FRMD4B: variants seen among roughly 807,000 people sequenced by gnomAD.
The protein encoded by FRMD4B is FERM domain containing 4B.
In FRMD4B, 74 loss-of-function variants were observed where a neutral mutation model predicts 141.5. The observed-to-expected ratio is 0.52, with a 90% CI of 0.43 to 0.63. FRMD4B has a LOEUF of 0.63. FRMD4B is among the 30% of genes least tolerant of loss of function. The pLI is 0.00. For synonymous variants in FRMD4B, 506 were observed against 467.9 expected, an observed-to-expected ratio of 1.08 and a Z score of -1.05; for missense variants, 1,366 against 1,253.4, an observed-to-expected ratio of 1.09 and a Z score of -1.36.
At chr3:69,499,106 G>A (rs1007407516) in intron 1 of FRMD4B, among the ~76,000 whole-genome samples, 3 of 152,172 alleles carry the variant, frequency 2.0e-5, no homozygotes, top group African/African-American at 7.2e-5. Flanking sequence ...ATGGGGGAAC[G>A]GTGAGTGCAA....
rs74632014 is a variant in FRMD4B at position 69,316,582 on chromosome 3, G to C, written c.163-3065C>G. Among the ~76,000 whole-genome samples the C allele has an allele frequency of 3.7e-3, 559 of 151,638 alleles. 5 individuals are homozygous for C. Among genetic ancestry groups the C allele is most frequent in the African/African-American group, 0.013 (532 of 41,302 alleles). On this transcript the variant is annotated intron_variant, in intron 1 of 22. Coordinates refer to ENST00000398540, the MANE Select transcript of FRMD4B (RefSeq NM_015123.3). ...ATTAAGAGAGAAATAAAATGTGTCA[G>C]TATTTCTATACCAGAGGAGGATATA...
In FRMD4B at chr3:69,197,398, A is replaced by G. The variant is rs190503399; in HGVS notation, c.954-360T>C. On this transcript the variant is annotated intron_variant, in intron 12 of 22. Coordinates refer to ENST00000398540, the MANE Select transcript of FRMD4B (RefSeq NM_015123.3). ...GGGATAAGATTTTAAAGAAACAGCA[A>G]CCAAGTGTGGGGTGAGCACCTAATT... Among the ~76,000 whole-genome samples, 5 of 152,324 alleles carry G rather than the reference A, an allele frequency of 3.3e-5. No individual in the cohort carries two copies. The East Asian group carries it at 9.6e-4, about 29-fold the overall frequency.
At chr3:69,398,699 G>C (rs1704511223) in intron 2 of FRMD4B, among the ~76,000 whole-genome samples, 1 of 152,150 alleles carries the variant, frequency 6.6e-6, no homozygotes, top group African/African-American at 2.4e-5. Context: ...GTGAGTGGGG[G>C]CTGTAATCTA....
intron 1 of FRMD4B, among the ~76,000 whole-genome samples, chr3:69,463,672 C>A (rs1460190388): frequency 6.6e-6 from 1 of 152,178 alleles, no homozygotes; most frequent in Non-Finnish European, 1.5e-5. Context: ...CAGACTGCAT[C>A]TGCCTCCAAG....
chr3:69,466,695 C>CTTTTT (rs1414852211), intron 1 of FRMD4B, among the ~76,000 whole-genome samples: 4 of 151,890 alleles, frequency 2.6e-5, no homozygotes, highest in Admixed American at 6.6e-5. Context: ...AAAAGCAAAA[C>CTTTTT]CTTTTCTTTT....
intron 20 of FRMD4B, among the ~76,000 whole-genome samples, chr3:69,182,123 T>G (rs1481159862): frequency 6.6e-6 from 1 of 152,214 alleles, no homozygotes; most frequent in African/African-American, 2.4e-5. Flanking sequence ...GTGGCTGGGC[T>G]GAGTCATGGC....
intron 11 of FRMD4B, among the ~76,000 whole-genome samples, chr3:69,202,995 G>A (rs935009541): frequency 6.6e-6 from 1 of 151,256 alleles, no homozygotes; most frequent in Non-Finnish European, 1.5e-5. Context: ...AACTGACACA[G>A]AAAATCATGG....
chr3:69,319,667 C>A (rs914163752), intron 1 of FRMD4B, among the ~76,000 whole-genome samples: 5 of 152,180 alleles, frequency 3.3e-5, no homozygotes, highest in African/African-American at 1.2e-4. Context: ...GCACTAAGCA[C>A]TTTACATAAT....
At chr3:69,378,689 T>A (rs1038436728) in intron 1 of FRMD4B, among the ~76,000 whole-genome samples, 4 of 152,088 alleles carry the variant, frequency 2.6e-5, no homozygotes, top group African/African-American at 9.7e-5. Flanking sequence ...ATCAACTCCT[T>A]CCTTCCCCAC....
chr3:69,537,691 C>T (rs1407882471), intron 1 of FRMD4B, among the ~76,000 whole-genome samples: 1 of 152,162 alleles, frequency 6.6e-6, no homozygotes, highest in Non-Finnish European at 1.5e-5. Context: ...ATTGACCACG[C>T]TAAAAGTGAC....
At chr3:69,444,885 A>C (rs189126370) in intron 1 of FRMD4B, among the ~76,000 whole-genome samples, 10 of 152,334 alleles carry the variant, frequency 6.6e-5, no homozygotes, top group African/African-American at 2.4e-4. Flanking sequence ...TAAATAGCCC[A>C]AGGATCCAAT....
At chr3:69,234,841 T>C (rs2093333917) in intron 7 of FRMD4B, among the ~76,000 whole-genome samples, 1 of 152,076 alleles carries the variant, frequency 6.6e-6, no homozygotes, top group African/African-American at 2.4e-5. Context: ...TGCAATAGGA[T>C]AAACACAACA....
intron 1 of FRMD4B, among the ~76,000 whole-genome samples, chr3:69,458,872 AAGG>A (rs937041211): frequency 2.7e-5 from 4 of 148,608 alleles, no homozygotes; most frequent in Admixed American, 6.6e-5. Context: ...AAAAAAAAAA[AAGG>A]AGTCTAATTT....
At chr3:69,471,274 A>G (rs1296038259) in intron 1 of FRMD4B, among the ~76,000 whole-genome samples, 1 of 152,156 alleles carries the variant, frequency 6.6e-6, no homozygotes, top group Non-Finnish European at 1.5e-5. Context: ...AAAGTGTTTT[A>G]ACTTCTTCAA....
intron 19 of FRMD4B, among the ~76,000 whole-genome samples, chr3:69,186,659 C>T (rs530134192): frequency 1.3e-4 from 20 of 152,300 alleles, no homozygotes; most frequent in African/African-American, 4.8e-4. Flanking sequence ...TTGCAGTGAG[C>T]TGAGATTGCA....
chr3:69,430,754 C>A (rs28625392), intron 2 of FRMD4B, among the ~76,000 whole-genome samples: 8,280 of 152,292 alleles, frequency 0.054, 755 homozygotes, highest in African/African-American at 0.19. Context: ...TGACTGACTT[C>A]TGCCCTCATT....
At chr3:69,440,163 C>T (rs1474344431) in intron 1 of FRMD4B, among the ~76,000 whole-genome samples, 3 of 152,096 alleles carry the variant, frequency 2.0e-5, no homozygotes, top group Non-Finnish European at 4.4e-5. Context: ...TTCCTTTCTC[C>T]CCATCTAAAG....
At chr3:69,423,955 G>A (rs72939691) in intron 2 of FRMD4B, among the ~76,000 whole-genome samples, 6,874 of 152,128 alleles carry the variant, frequency 0.045, 439 homozygotes, top group African/African-American at 0.14. Flanking sequence ...ATGGTATTTC[G>A]TAACAGCAGC....
chr3:69,514,562 C>A (rs931342071), intron 1 of FRMD4B, among the ~76,000 whole-genome samples: 1 of 152,018 alleles, frequency 6.6e-6, no homozygotes, highest in African/African-American at 2.4e-5. Flanking sequence ...GTGGTGGGCA[C>A]CTGTTGTCCC....
Sources: allele counts gnomAD v4.1 joint callset (sites outside exome capture counted in the v4.1 genomes callset), GRCh38; gene constraint gnomAD v4.1.1; transcripts MANE v1.5; gene names NCBI Gene and HGNC (gene_info 2026-07-23, HGNC 2026-07-21).